Variants in PRR16 observed in about 807,000 individuals in gnomAD.
PRR16 encodes proline rich 16, also known as protein Largen.
PRR16 carries 6 observed loss-of-function variants against 18.2 expected under a neutral mutation model. The ratio of observed to expected loss-of-function variants is 0.33; its 90% CI spans 0.18 to 0.65. The LOEUF (loss-of-function observed/expected upper bound fraction) is 0.65, where lower values mean the gene tolerates loss of function less well. Among genes scored for constraint, PRR16 ranks in the 30% least tolerant of loss-of-function variants. The probability of loss-of-function intolerance (pLI) is 0.74; values close to 1 mark genes in which losing one functional copy is unlikely to be tolerated. For missense variants in PRR16, 412 were observed against 376.6 expected (o/e 1.09, Z -0.78); for synonymous variants, 151 against 147.8 (o/e 1.02, Z -0.16).
intron 1 of PRR16, among the ~76,000 whole-genome samples, chr5:120,563,500 C>T (rs552385113): frequency 2.4e-4 from 37 of 152,296 alleles, no homozygotes; most frequent in Non-Finnish European, 5.0e-4. Context: ...GGCAGAGGAG[C>T]TTCTCCCTGT....
chr5:120,662,816 GTC>G (rs1471812419), intron 1 of PRR16, among the ~76,000 whole-genome samples: 3 of 152,094 alleles, frequency 2.0e-5, no homozygotes, highest in African/African-American at 7.2e-5. Context: ...TCCAGACACA[GTC>G]CTATAGCTTG....
At chr5:120,785,647 A>G in the PRR16 span, among the ~76,000 whole-genome samples, 1 of 141,286 alleles carries the variant, frequency 7.1e-6, no homozygotes, top group Non-Finnish European at 1.5e-5. Flanking sequence ...ATCTCAGCTC[A>G]CTGCAACCTC....
At chr5:120,750,446 G>C in the PRR16 span, among the ~76,000 whole-genome samples, 1 of 151,944 alleles carries the variant, frequency 6.6e-6, no homozygotes, top group African/African-American at 2.4e-5. Context: ...ATCACCTGAG[G>C]TCAGGAGTTC....
At chr5:120,542,128 A>G (rs887587046) in intron 1 of PRR16, among the ~76,000 whole-genome samples, 2 of 152,096 alleles carry the variant, frequency 1.3e-5, no homozygotes, top group Admixed American at 1.3e-4. Context: ...GGGCACTGTA[A>G]TTCAATTTTT....
chr5:120,741,418 A>G, the PRR16 span, among the ~76,000 whole-genome samples: 2 of 152,098 alleles, frequency 1.3e-5, no homozygotes, highest in African/African-American at 4.8e-5. Context: ...ATAAACAAGG[A>G]AAGTTTTATT....
At chr5:120,614,496 A>T (rs1182178788) in intron 1 of PRR16, among the ~76,000 whole-genome samples, 1 of 152,212 alleles carries the variant, frequency 6.6e-6, no homozygotes, top group Non-Finnish European at 1.5e-5. Flanking sequence ...TGTAGTATGG[A>T]TCATCATACT....
the PRR16 span, among the ~76,000 whole-genome samples, chr5:120,738,390 A>G: frequency 2.0e-5 from 3 of 152,128 alleles, no homozygotes; most frequent in South Asian, 6.2e-4. Context: ...GATATTCTTA[A>G]TGAAAAAAAA....
chr5:120,773,484 G>A, the PRR16 span, among the ~76,000 whole-genome samples: 2 of 152,100 alleles, frequency 1.3e-5, no homozygotes. Flanking sequence ...ACAGGTATGG[G>A]TCTAGCTTTC....
chr5:120,657,652 T>G (rs1391762435), intron 1 of PRR16, among the ~76,000 whole-genome samples: 1 of 151,926 alleles, frequency 6.6e-6, no homozygotes, highest in Non-Finnish European at 1.5e-5. Flanking sequence ...TGGCTTCTCT[T>G]CACATAACTT....
At chr5:120,561,897 G>A (rs760953014) in intron 1 of PRR16, among the ~76,000 whole-genome samples, 3 of 152,114 alleles carry the variant, frequency 2.0e-5, no homozygotes, top group Admixed American at 6.6e-5. Flanking sequence ...TAGCCAAGTG[G>A]AACTGTAAGC....
At chr5:120,674,937 C>CT (rs1160729830) in intron 1 of PRR16, among the ~76,000 whole-genome samples, 4 of 150,714 alleles carry the variant, frequency 2.7e-5, no homozygotes, top group Admixed American at 2.6e-4. Context: ...TATTTTATTG[C>CT]TTTTTTTACG....
the PRR16 span, among the ~76,000 whole-genome samples, chr5:120,765,252 T>TGATGTTTAAAGAGAGACAGTGTAAC: frequency 1.3e-5 from 2 of 152,038 alleles, no homozygotes; most frequent in African/African-American, 4.8e-5. Context: ...GTGCCTCTAA[T>TGATGTTTAAAGAGAGACAGTGTAAC]GATGTTTAAA....
At chr5:120,744,897 T>C in the PRR16 span, among the ~76,000 whole-genome samples, 1 of 152,060 alleles carries the variant, frequency 6.6e-6, no homozygotes, top group African/African-American at 2.4e-5. Flanking sequence ...AGTTGGAAAA[T>C]TTGAATTGTA....
intron 1 of PRR16, among the ~76,000 whole-genome samples, chr5:120,501,062 A>G (rs1306075263): frequency 6.6e-6 from 1 of 152,138 alleles, no homozygotes; most frequent in Admixed American, 6.5e-5. Context: ...CTCCTAAAGA[A>G]TTCAGGGAGG....
the PRR16 span, among the ~76,000 whole-genome samples, chr5:120,764,743 G>A: frequency 2.0e-5 from 3 of 152,094 alleles, no homozygotes; most frequent in African/African-American, 4.8e-5. Context: ...CTTATTACTT[G>A]TAGAGGTCAT....
At chr5:120,677,623 C>A (rs751494483) in intron 1 of PRR16, among the ~76,000 whole-genome samples, 2 of 152,116 alleles carry the variant, frequency 1.3e-5, no homozygotes, top group African/African-American at 2.4e-5. Flanking sequence ...GGAAAGGTTT[C>A]AGTCAGGGTT....
intron 1 of PRR16, among the ~76,000 whole-genome samples, chr5:120,652,968 A>G (rs752218811): frequency 2.6e-5 from 4 of 152,090 alleles, no homozygotes; most frequent in African/African-American, 9.6e-5. Flanking sequence ...AAATAAAAAG[A>G]TTATTTAAAA....
chr5:120,731,237 A>G, the PRR16 span, among the ~76,000 whole-genome samples: 8 of 152,340 alleles, frequency 5.3e-5, no homozygotes, highest in African/African-American at 1.4e-4. Context: ...AAAAATCTAT[A>G]GTAAACTAAA....
intron 1 of PRR16, among the ~76,000 whole-genome samples, chr5:120,570,263 A>G (rs1752864665): frequency 6.6e-6 from 1 of 152,184 alleles, no homozygotes; most frequent in South Asian, 2.1e-4. Context: ...GGGTGCATTG[A>G]GTGGCCCTGC....
Sources: allele counts gnomAD v4.1 joint callset (sites outside exome capture counted in the v4.1 genomes callset), GRCh38; gene constraint gnomAD v4.1.1; transcripts MANE v1.5; gene names NCBI Gene and HGNC (gene_info 2026-07-23, HGNC 2026-07-21).